ROCK1: variants seen among roughly 807,000 people sequenced by gnomAD.
The protein encoded by ROCK1 is rho-associated protein kinase 1.
A neutral mutation model predicts 196.8 loss-of-function variants in ROCK1; 36 were observed. The observed-to-expected ratio is 0.18, with a 90% CI of 0.14 to 0.24. The LOEUF is 0.24. Ranked by LOEUF, ROCK1 falls within the 10% of genes least tolerant of loss-of-function variation. The pLI is 1.00. For missense variants in ROCK1, 920 were observed against 1,562.0 expected (o/e 0.59, Z 6.93); for synonymous variants, 443 against 515.9 (o/e 0.86, Z 1.91).
chr18:20,984,220 C>T (rs2035558123), intron 20 of ROCK1, 131 bp downstream of exon 20: 1 of 684,944 alleles, frequency 1.5e-6, no homozygotes, highest in African/African-American at 1.9e-5. Flanking sequence ...AATTCTTTTA[C>T]TTCTAAATAC....
intron 13 of ROCK1, among the ~76,000 whole-genome samples, chr18:21,012,616 T>C (rs1320181881): frequency 1.3e-5 from 2 of 152,196 alleles, no homozygotes; most frequent in African/African-American, 4.8e-5. Context: ...TGTGGATATC[T>C]TTGGGTTTAC....
At chr18:21,102,567 C>T (rs1226341222) in intron 1 of ROCK1, among the ~76,000 whole-genome samples, 1 of 152,138 alleles carries the variant, frequency 6.6e-6, no homozygotes, top group Non-Finnish European at 1.5e-5. Flanking sequence ...AAGTTAATTG[C>T]AGTCCACTGT....
intron 12 of ROCK1, among the ~76,000 whole-genome samples, chr18:21,019,172 G>A (rs1042327724): frequency 5.9e-5 from 9 of 151,674 alleles, no homozygotes; most frequent in Non-Finnish European, 1.0e-4. Flanking sequence ...TTTTCTTTTT[G>A]AGACAGAGTC....
chr18:21,060,839 C>CAAAAAAA (rs930819259), intron 2 of ROCK1, among the ~76,000 whole-genome samples: 1 of 44,788 alleles, frequency 2.2e-5, no homozygotes, highest in African/African-American at 7.2e-5. Context: ...AACTCCATCT[C>CAAAAAAA]AAAAAAAAAA....
chr18:20,975,976 T>C (rs1406919601), intron 22 of ROCK1, among the ~76,000 whole-genome samples: 2 of 152,228 alleles, frequency 1.3e-5, no homozygotes, highest in African/African-American at 4.8e-5. Flanking sequence ...TTTTGTGATA[T>C]CCTGCTCTGA....
intron 1 of ROCK1, among the ~76,000 whole-genome samples, chr18:21,076,864 C>T (rs539137088): frequency 1.3e-5 from 2 of 151,704 alleles, no homozygotes; most frequent in African/African-American, 2.4e-5. Flanking sequence ...AAAAAACAAG[C>T]AAATATCCAA....
At chr18:20,963,018 C>T (rs998457216) in intron 27 of ROCK1, among the ~76,000 whole-genome samples, 9 of 151,972 alleles carry the variant, frequency 5.9e-5, no homozygotes, top group South Asian at 2.1e-4. Context: ...GGAGGTATAA[C>T]GCTGTAAATT....
At chr18:20,983,205 G>T (rs1019142373) in intron 20 of ROCK1, among the ~76,000 whole-genome samples, 3 of 150,710 alleles carry the variant, frequency 2.0e-5, no homozygotes, top group African/African-American at 4.9e-5. Flanking sequence ...TAAAAAAAGA[G>T]GGGGGCATGA....
intron 16 of ROCK1, among the ~76,000 whole-genome samples, chr18:20,995,154 T>A (rs954316895): frequency 1.3e-5 from 2 of 152,166 alleles, no homozygotes; most frequent in African/African-American, 4.8e-5. Context: ...TATTTCAAAA[T>A]AGCTAGAAGA....
At chr18:21,069,306 G>A (rs2036363945) in intron 2 of ROCK1, among the ~76,000 whole-genome samples, 1 of 151,660 alleles carries the variant, frequency 6.6e-6, no homozygotes, top group Non-Finnish European at 1.5e-5. Context: ...AACTATCCTT[G>A]GTCATGATTT....
At chr18:21,053,199 A>G (rs2036218324) in intron 2 of ROCK1, among the ~76,000 whole-genome samples, 1 of 152,146 alleles carries the variant, frequency 6.6e-6, no homozygotes, top group East Asian at 1.9e-4. Context: ...GGCTGCTGCA[A>G]TCACACACCA....
At chr18:21,033,988 C>T (rs1423309558) in intron 9 of ROCK1, among the ~76,000 whole-genome samples, 10 of 138,216 alleles carry the variant, frequency 7.2e-5, no homozygotes, top group Non-Finnish European at 1.1e-4. Context: ...GAGCCGAGAT[C>T]GAGCCACTGT....
chr18:21,015,514 A>G, intron 12 of ROCK1, 35 bp from the exon 13 acceptor site: 1 of 1,307,346 alleles, frequency 7.6e-7, no homozygotes. Context: ...TTAGAAATAT[A>G]CGTATTTCTT....
intron 1 of ROCK1, among the ~76,000 whole-genome samples, chr18:21,075,548 A>G (rs1201660710): frequency 6.6e-6 from 1 of 152,240 alleles, no homozygotes; most frequent in Non-Finnish European, 1.5e-5. Context: ...TTTGGGAGTC[A>G]TGAGAGCACA....
At chr18:20,973,522 C>A (rs1056394488) in intron 22 of ROCK1, among the ~76,000 whole-genome samples, 6 of 152,034 alleles carry the variant, frequency 3.9e-5, no homozygotes, top group African/African-American at 1.4e-4. Flanking sequence ...AGTGATCCAC[C>A]CACCTGGGCC....
In ROCK1 at chr18:21,087,147, G is replaced by A. The variant is rs144390621; in HGVS notation, c.94-16534C>T. ...TTCTATGCCTAATTTAATACCTAGA[G>A]TAACCAATTTAAAAAGCTATACAAA... On this transcript the variant is annotated intron_variant, in intron 1 of 32. Coordinates refer to ENST00000399799, the MANE Select transcript of ROCK1 (RefSeq NM_005406.3). Among the ~76,000 whole-genome samples the A allele has an allele frequency of 1.2e-4, 19 of 152,160 alleles. No individual in the cohort carries two copies. In the East Asian group the frequency reaches 3.5e-3, roughly 28 times the overall value.
rs1159860233 is a variant in ROCK1 at position 21,097,830 on chromosome 18, T to C, written c.93+12988A>G. ...CTTATTTGAAGGTGATGTGTTTGAGTTCCTCTTAAGAACTTTACCCAAAGT... is the reference window on the plus strand; with the variant it reads ...CTTATTTGAAGGTGATGTGTTTGAGCTCCTCTTAAGAACTTTACCCAAAGT... On this transcript the variant is annotated intron_variant, in intron 1 of 32. Transcript: ENST00000399799. Among the ~76,000 whole-genome samples, 5 of 152,342 alleles carry C rather than the reference T, an allele frequency of 3.3e-5. No homozygotes were observed. The East Asian group carries it at 7.7e-4, about 23-fold the overall frequency.
chr18:20,980,136 C>A (rs2035517133), intron 21 of ROCK1, 132 bp from the exon 22 acceptor site: 3 of 1,102,572 alleles, frequency 2.7e-6, no homozygotes, highest in Admixed American at 3.9e-5. Context: ...ATGACAAATG[C>A]AAATATATGT....
intron 29 of ROCK1, among the ~76,000 whole-genome samples, chr18:20,955,879 G>A (rs2035237000): frequency 6.6e-6 from 1 of 151,010 alleles, no homozygotes; most frequent in African/African-American, 2.4e-5. Context: ...TAACACTCTT[G>A]AAGAGACAAA....
Sources: gnomAD v4.1 joint callset for allele counts (sites outside exome capture counted in the v4.1 genomes callset) on GRCh38, gnomAD v4.1.1 for gene constraint, MANE v1.5 for transcripts, NCBI Gene and HGNC (gene_info 2026-07-23, HGNC 2026-07-21) for gene names.